Variants in RIOX2 observed in about 807,000 individuals in gnomAD.
RIOX2 encodes the protein ribosomal oxygenase 2, also known as 60S ribosomal protein L27a histidine hydroxylase.
In RIOX2, 43 loss-of-function variants were observed where a neutral mutation model predicts 51.2. That is an observed-to-expected ratio of 0.84 (90% CI 0.66 to 1.08). RIOX2 has a LOEUF of 1.08. Ranked by LOEUF, RIOX2 falls within the 50% of genes least tolerant of loss-of-function variation. The pLI is 0.00. For missense variants in RIOX2, 566 were observed against 561.7 expected (o/e 1.01, Z -0.08); for synonymous variants, 226 against 218.5 (o/e 1.03, Z -0.30).
At chr3:97,946,586 G>GTGTATATATATA (rs143245408) in intron 8 of RIOX2, among the ~76,000 whole-genome samples, 2 of 127,634 alleles carry the variant, frequency 1.6e-5, no homozygotes, top group South Asian at 2.5e-4. Flanking sequence ...TTTTGAGGAT[G>GTGTATATATATA]TATATATATA....
intron 5 of RIOX2, chr3:97,952,218 T>TTGAG (rs1464032832): frequency 1.6e-6 from 2 of 1,289,792 alleles, no homozygotes; most frequent in Non-Finnish European, 1.0e-6. Context: ...GCAATGGCCC[T>TTGAG]CAAGTCACAT....
intron 6 of RIOX2, 108 bp downstream of exon 6, chr3:97,950,678 C>T: frequency 1.2e-6 from 1 of 834,116 alleles, no homozygotes; most frequent in Non-Finnish European, 2.0e-6. Flanking sequence ...GCACAGTAGA[C>T]AAGCCTGGCT....
intron 4 of RIOX2, among the ~76,000 whole-genome samples, chr3:97,955,754 TG>T (rs1386841258): frequency 6.6e-6 from 1 of 152,144 alleles, no homozygotes; most frequent in Non-Finnish European, 1.5e-5. Context: ...CTGAGAAAAG[TG>T]GTATGTCACT....
chr3:97,956,725 C>T (rs1282253002), intron 4 of RIOX2, among the ~76,000 whole-genome samples: 1 of 152,096 alleles, frequency 6.6e-6, no homozygotes, highest in Non-Finnish European at 1.5e-5. Flanking sequence ...GAACTCCTGA[C>T]CTCAGGTGAT....
chr3:97,968,344 T>C (rs764537277), intron 1 of RIOX2, among the ~76,000 whole-genome samples: 1 of 152,202 alleles, frequency 6.6e-6, no homozygotes, highest in Non-Finnish European at 1.5e-5. Context: ...TAAAAGTAGT[T>C]ATATCTAAAG....
intron 2 of RIOX2, among the ~76,000 whole-genome samples, chr3:97,963,297 T>G (rs1335137207): frequency 6.6e-6 from 1 of 152,152 alleles, no homozygotes; most frequent in Non-Finnish European, 1.5e-5. Flanking sequence ...CTAATTTTTT[T>G]CTCTTATTTT....
At chr3:97,947,523 A>G in intron 7 of RIOX2, 74 bp from the exon 8 acceptor site, 2 of 1,059,614 alleles carry the variant, frequency 1.9e-6, no homozygotes, top group African/African-American at 1.6e-5. Context: ...TTATACATAC[A>G]CATAGGAAAC....
intron 2 of RIOX2, among the ~76,000 whole-genome samples, chr3:97,965,707 G>A (rs1007686038): frequency 6.6e-6 from 1 of 152,144 alleles, no homozygotes; most frequent in South Asian, 2.1e-4. Context: ...CCCTGCGGGG[G>A]ATGATTCTAA....
Position 97,942,843 on chromosome 3 carries a change from G to C in RIOX2, c.*2341C>G, listed in dbSNP as rs1559751833. On this transcript the variant is annotated 3_prime_UTR_variant, in exon 10 of 10. Transcript: ENST00000394198. ...TCAATTAACCTTGTTTTTGAATTCA[G>C]CAAGGTCAGGGCCAATATTATTCAT... 9.3e-6 allele frequency: 2 copies of C among 214,992 alleles called. No individual in the cohort carries two copies. Among genetic ancestry groups the C allele is most frequent in the South Asian group, 2.3e-4 (2 of 8,728 alleles). The allele number at this position is 214,992 out of a possible 1,614,324, so 13.3% of individuals were successfully genotyped here.
At chr3:97,950,066 C>T in intron 6 of RIOX2, 51 bp from the exon 7 acceptor site, 1 of 1,597,066 alleles carries the variant, frequency 6.3e-7, no homozygotes, top group Non-Finnish European at 8.6e-7. Context: ...AACTTACTGC[C>T]CAGCTCAGTC....
intron 5 of RIOX2, chr3:97,952,093 C>T (rs1424513480): frequency 9.8e-7 from 1 of 1,018,236 alleles, no homozygotes; most frequent in Non-Finnish European, 1.3e-6. Context: ...ACAGCAGACC[C>T]CCAAACACTC....
chr3:97,972,059 CAA>C (rs1706155896), intron 1 of RIOX2: 1 of 152,240 alleles, frequency 6.6e-6, no homozygotes, highest in South Asian at 2.1e-4. Context: ...GCTAAGCCTC[CAA>C]ACTTTCCGTG....
At chr3:97,952,318 A>G in intron 5 of RIOX2, 1 of 1,003,674 alleles carries the variant, frequency 1.0e-6, no homozygotes, top group Non-Finnish European at 1.4e-6. Flanking sequence ...CACAATCCTA[A>G]GCAGGCAACT....
Position 97,967,144 on chromosome 3 carries a change from A to G in RIOX2, c.432+18T>C. The G allele has an allele frequency of 6.2e-7, 1 of 1,605,266 alleles. No individual in the cohort carries two copies. The highest frequency in any genetic ancestry group is 1.7e-4 in the Middle Eastern group (1 of 6,010). ...ACTTTAAAATGTATGAGGATTCTGCAATGGGGAAACTGGTTACCTTAAATC... is the reference window on the plus strand; with the variant it reads ...ACTTTAAAATGTATGAGGATTCTGCGATGGGGAAACTGGTTACCTTAAATC... On this transcript the variant is annotated intron_variant, in intron 2 of 9. Coordinates refer to ENST00000394198, the MANE Select transcript of RIOX2 (RefSeq NM_153182.4).
At chr3:97,946,606 A>ATATC (rs955397213) in intron 8 of RIOX2, among the ~76,000 whole-genome samples, 2 of 145,998 alleles carry the variant, frequency 1.4e-5, no homozygotes, top group African/African-American at 2.5e-5. Context: ...ATATATATAT[A>ATATC]TCTATTCATG....
At chr3:97,948,822 G>C (rs1705112685) in intron 7 of RIOX2, among the ~76,000 whole-genome samples, 1 of 151,698 alleles carries the variant, frequency 6.6e-6, no homozygotes, top group South Asian at 2.1e-4. Context: ...AATGGTGTGT[G>C]GTCTTCCCAC....
At position 97,949,918 on chromosome 3, in the gene RIOX2, T is replaced by G; in HGVS notation, c.986A>C (p.Asp329Ala). Residue 329 changes from aspartate to alanine, a missense_variant, in exon 7 of 10, where the codon GAC becomes GCC. Asp to Ala is a moderately radical substitution (Grantham distance 126, BLOSUM62 -2). Transcript: ENST00000394198. ...LEGTKELLSSDMKKDFIMHRL... is the reference protein window; with the variant it reads ...LEGTKELLSSAMKKDFIMHRL... ...GTGCATAATAAAATCCTTCTTCATG[T>G]CTGAGGAAAGCAGTTCTTTGGTGCC... The G allele has an allele frequency of 6.2e-7, 1 of 1,613,878 alleles. No homozygotes were observed. Among genetic ancestry groups the G allele is most frequent in the Non-Finnish European group, 8.5e-7 (1 of 1,179,934 alleles).
rs778855894 is a variant in RIOX2, at chr3:97,967,152, A to G, written c.432+10T>C. On this transcript the variant is annotated intron_variant, in intron 2 of 9. Transcript: ENST00000394198. ...ATGTATGAGGATTCTGCAATGGGGAAACTGGTTACCTTAAATCTCTGAGGT... is the reference window on the plus strand; with the variant it reads ...ATGTATGAGGATTCTGCAATGGGGAGACTGGTTACCTTAAATCTCTGAGGT... 6.2e-7 allele frequency: 1 copy of G among 1,609,096 alleles called. No homozygotes were observed. Among genetic ancestry groups the G allele is most frequent in the South Asian group, 1.1e-5 (1 of 90,154 alleles).
intron 4 of RIOX2, among the ~76,000 whole-genome samples, chr3:97,957,964 T>C (rs1340699692): frequency 6.6e-6 from 1 of 152,130 alleles, no homozygotes; most frequent in Non-Finnish European, 1.5e-5. Flanking sequence ...TCCAATAAAC[T>C]ACTTACAAAA....
Sources: gnomAD v4.1 joint callset for allele counts (sites outside exome capture counted in the v4.1 genomes callset) on GRCh38, gnomAD v4.1.1 for gene constraint, MANE v1.5 for transcripts, NCBI Gene and HGNC (gene_info 2026-07-23, HGNC 2026-07-21) for gene names.